The following NAV2 variants were observed in gnomAD, a reference collection of about 807,000 sequenced individuals.
NAV2 encodes the protein helicase, APC down-regulated 1.
A neutral mutation model predicts 223.2 loss-of-function variants in NAV2; 54 were observed. That is an observed-to-expected ratio of 0.24 (90% CI 0.19 to 0.30). The LOEUF (loss-of-function observed/expected upper bound fraction) is 0.30. Among genes scored for constraint, NAV2 ranks in the 10% least tolerant of loss-of-function variants. The probability of loss-of-function intolerance (pLI) is 1.00; values close to 1 mark genes in which losing one functional copy is unlikely to be tolerated. For missense variants in NAV2, 2,806 were observed against 3,147.5 expected (o/e 0.89, Z 2.60); for synonymous variants, 1,279 against 1,239.3 (o/e 1.03, Z -0.67).
intron 1 of NAV2, among the ~76,000 whole-genome samples, chr11:19,577,569 C>T (rs919070179): frequency 3.3e-5 from 5 of 152,266 alleles, no homozygotes; most frequent in Non-Finnish European, 1.5e-5. Context: ...TCTGTTTCCC[C>T]TCTTGTCAGC....
At chr11:19,945,386 T>A (rs923565363) in intron 8 of NAV2, among the ~76,000 whole-genome samples, 10 of 151,738 alleles carry the variant, frequency 6.6e-5, no homozygotes, top group Non-Finnish European at 1.2e-4. Context: ...CTTTCTCCCT[T>A]CCTCTTTTCC....
chr11:19,977,241 C>A (rs890559945), intron 10 of NAV2, among the ~76,000 whole-genome samples: 4 of 152,252 alleles, frequency 2.6e-5, no homozygotes, highest in African/African-American at 7.2e-5. Context: ...TACCCCTCTT[C>A]CACCTCACAT....
At chr11:19,491,784 C>A (rs1047705486) in intron 1 of NAV2, among the ~76,000 whole-genome samples, 5 of 152,188 alleles carry the variant, frequency 3.3e-5, no homozygotes, top group African/African-American at 1.2e-4. Flanking sequence ...TATCTTTTAG[C>A]TTATCTGGGC....
At chr11:19,723,507 T>A (rs529110259) in intron 1 of NAV2, among the ~76,000 whole-genome samples, 15 of 152,342 alleles carry the variant, frequency 9.8e-5, no homozygotes, top group African/African-American at 2.6e-4. Flanking sequence ...CTGCTTTAGA[T>A]AATCAAACCT....
chr11:19,944,766 T>A (rs1839789171), intron 8 of NAV2, among the ~76,000 whole-genome samples: 1 of 148,312 alleles, frequency 6.7e-6, no homozygotes, highest in Non-Finnish European at 1.5e-5. Context: ...TTTCCTTTCC[T>A]TCCTTCTTTT....
chr11:19,484,084 C>T (rs2134018231), intron 1 of NAV2, among the ~76,000 whole-genome samples: 1 of 151,802 alleles, frequency 6.6e-6, no homozygotes, highest in South Asian at 2.1e-4. Context: ...TGATCTCCAT[C>T]TCCTCCACGC....
At chr11:20,042,339 A>G (rs970522850) in intron 12 of NAV2, among the ~76,000 whole-genome samples, 1 of 152,160 alleles carries the variant, frequency 6.6e-6, no homozygotes, top group Admixed American at 6.5e-5. Flanking sequence ...GCTCCTTCCT[A>G]GGCTCATTCA....
chr11:19,579,340 C>T (rs747308956), intron 1 of NAV2, among the ~76,000 whole-genome samples: 1 of 152,136 alleles, frequency 6.6e-6, no homozygotes, highest in Non-Finnish European at 1.5e-5. Flanking sequence ...GGATTCTCTC[C>T]CAGGCCTGGT....
chr11:20,099,876 T>A (rs1443789266), intron 31 of NAV2, among the ~76,000 whole-genome samples: 1 of 152,176 alleles, frequency 6.6e-6, no homozygotes, highest in Non-Finnish European at 1.5e-5. Context: ...CTACACTCCA[T>A]ACTTTGCATT....
At chr11:19,374,838 C>T (rs1848589922) in intron 1 of NAV2, among the ~76,000 whole-genome samples, 1 of 152,172 alleles carries the variant, frequency 6.6e-6, no homozygotes, top group African/African-American at 2.4e-5. Context: ...AATGCCTCTC[C>T]TAGGTTTTTC....
intron 1 of NAV2, among the ~76,000 whole-genome samples, chr11:19,387,169 C>T (rs1849075525): frequency 6.6e-6 from 1 of 152,134 alleles, no homozygotes; most frequent in Admixed American, 6.5e-5. Flanking sequence ...TTGATTGGTT[C>T]ACGTTAATCG....
At chr11:19,411,549 G>C (rs560860588) in intron 1 of NAV2, among the ~76,000 whole-genome samples, 8 of 152,234 alleles carry the variant, frequency 5.3e-5, no homozygotes, top group African/African-American at 1.9e-4. Flanking sequence ...TCAAGAGGCT[G>C]CTATCTCAAT....
At chr11:19,460,866 G>C (rs1852133494) in intron 1 of NAV2, among the ~76,000 whole-genome samples, 1 of 152,052 alleles carries the variant, frequency 6.6e-6, no homozygotes, top group Admixed American at 6.5e-5. Flanking sequence ...GCAGCCCTGG[G>C]GTAGATGTTT....
intron 1 of NAV2, among the ~76,000 whole-genome samples, chr11:19,699,054 G>A (rs2049432023): frequency 6.6e-6 from 1 of 152,190 alleles, no homozygotes; most frequent in Non-Finnish European, 1.5e-5. Context: ...AAGGGCAACT[G>A]GCCTAGGGCC....
At chr11:19,548,440 G>T (rs574142236) in intron 1 of NAV2, among the ~76,000 whole-genome samples, 2 of 152,290 alleles carry the variant, frequency 1.3e-5, no homozygotes, top group Admixed American at 6.5e-5. Flanking sequence ...GAGGCAGAAA[G>T]ATGTCAAGTC....
intron 10 of NAV2, among the ~76,000 whole-genome samples, chr11:19,967,139 G>A (rs1486054058): frequency 6.6e-6 from 1 of 152,144 alleles, no homozygotes; most frequent in Non-Finnish European, 1.5e-5. Context: ...CTTGTCCAAG[G>A]TCATACTGCT....
At chr11:20,007,538 G>A (rs1338587859) in intron 11 of NAV2, among the ~76,000 whole-genome samples, 4 of 152,204 alleles carry the variant, frequency 2.6e-5, no homozygotes, top group Admixed American at 2.0e-4. Context: ...TGAAATGACA[G>A]GTTAGAAAGG....
intron 11 of NAV2, among the ~76,000 whole-genome samples, chr11:20,034,627 C>T (rs2056174730): frequency 6.6e-6 from 1 of 152,196 alleles, no homozygotes; most frequent in South Asian, 2.1e-4. Flanking sequence ...GGTGATCCAC[C>T]CGCCTTGGCT....
chr11:19,861,030 C>CAGAGGG (rs1313530152), intron 3 of NAV2, among the ~76,000 whole-genome samples: 2 of 117,220 alleles, frequency 1.7e-5, no homozygotes, highest in Admixed American at 2.0e-4. Context: ...GGAAAGAGGG[C>CAGAGGG]AGAGGGAGAG....
Sources: allele counts gnomAD v4.1 joint callset (sites outside exome capture counted in the v4.1 genomes callset), GRCh38; gene constraint gnomAD v4.1.1; transcripts MANE v1.5; gene names NCBI Gene and HGNC (gene_info 2026-07-23, HGNC 2026-07-21).